EPHB1: variants seen among roughly 807,000 people sequenced by gnomAD.
EPHB1 encodes ephrin type-B receptor 1.
A neutral mutation model predicts 94.4 loss-of-function variants in EPHB1; 30 were observed. That is an observed-to-expected ratio of 0.32 (90% CI 0.24 to 0.43). The LOEUF is 0.43. EPHB1 is among the 20% of genes least tolerant of loss of function. The pLI, the probability that EPHB1 is intolerant of heterozygous loss-of-function variation, is 1.00. For missense variants in EPHB1, 1,055 were observed against 1,308.3 expected (o/e 0.81, Z 2.99); for synonymous variants, 522 against 489.1 (o/e 1.07, Z -0.89).
chr3:135,076,234 G>GATATATATATGTATAT (rs1553729692), intron 3 of EPHB1, among the ~76,000 whole-genome samples: 1 of 131,172 alleles, frequency 7.6e-6, no homozygotes, highest in African/African-American at 3.7e-5. Context: ...TCTGAAAAGG[G>GATATATATATGTATAT]ATATATATAT....
chr3:135,111,569 T>C (rs535675351), intron 4 of EPHB1, among the ~76,000 whole-genome samples: 2 of 152,246 alleles, frequency 1.3e-5, no homozygotes, highest in East Asian at 3.9e-4. Context: ...GGGTGGGGTC[T>C]GATGTGAGTG....
chr3:135,025,120 CCCTT>C (rs1169908532), intron 3 of EPHB1, among the ~76,000 whole-genome samples: 140 of 110,782 alleles, frequency 1.3e-3, no homozygotes, highest in African/African-American at 4.3e-3. Flanking sequence ...CCTCCCTCCC[CCCTT>C]CCTTCCTTCC....
chr3:134,940,931 G>A (rs1204920854), intron 2 of EPHB1, among the ~76,000 whole-genome samples: 1 of 152,144 alleles, frequency 6.6e-6, no homozygotes, highest in African/African-American at 2.4e-5. Flanking sequence ...AAATGAGCTG[G>A]GTTTGAAACA....
At chr3:134,811,605 A>T (rs1040589466) in intron 1 of EPHB1, among the ~76,000 whole-genome samples, 11 of 152,070 alleles carry the variant, frequency 7.2e-5, no homozygotes, top group Non-Finnish European at 1.3e-4. Context: ...TTAATAGCAC[A>T]GATATTGTGG....
intron 3 of EPHB1, among the ~76,000 whole-genome samples, chr3:135,007,138 G>T (rs574111758): frequency 6.6e-6 from 1 of 152,222 alleles, no homozygotes; most frequent in South Asian, 2.1e-4. Flanking sequence ...CCCACTACCT[G>T]CCTCAACTTT....
chr3:134,935,972 T>C (rs1560304609), intron 2 of EPHB1, among the ~76,000 whole-genome samples: 1 of 152,166 alleles, frequency 6.6e-6, no homozygotes, highest in Non-Finnish European at 1.5e-5. Flanking sequence ...CAAAGTTCCA[T>C]TTCCAAAGAG....
chr3:134,907,267 CT>C (rs1309687757), intron 1 of EPHB1, among the ~76,000 whole-genome samples: 1 of 152,170 alleles, frequency 6.6e-6, no homozygotes, highest in African/African-American at 2.4e-5. Flanking sequence ...TATCTTTTGA[CT>C]TCAACTCCAG....
At chr3:135,081,687 T>C (rs1259565816) in intron 3 of EPHB1, among the ~76,000 whole-genome samples, 1 of 152,126 alleles carries the variant, frequency 6.6e-6, no homozygotes, top group Admixed American at 6.5e-5. Flanking sequence ...TAGAGGCTGG[T>C]GTTCTGGGAA....
At chr3:134,939,494 G>T (rs2039075512) in intron 2 of EPHB1, among the ~76,000 whole-genome samples, 1 of 152,196 alleles carries the variant, frequency 6.6e-6, no homozygotes, top group Admixed American at 6.5e-5. Context: ...GTAAATCCCT[G>T]CCTTGGTTGG....
rs148320519 is a variant in EPHB1, at chr3:134,933,170, T to C, written c.123+7290T>C. ...TTGTTTTATCTCTTTTCTCTCTGTC[T>C]TCCCATCCTTTTTTCTCCTCTCTCT... On this transcript the variant is annotated intron_variant, in intron 2 of 15. Transcript: ENST00000398015. 7.9e-3 allele frequency among the ~76,000 whole-genome samples: 1,197 copies of C among 152,304 alleles called. 21 individuals carry two copies. The highest frequency in any genetic ancestry group is 0.027 in the African/African-American group (1,127 of 41,562).
chr3:135,168,518 T>C (rs962620822), intron 9 of EPHB1, among the ~76,000 whole-genome samples: 2 of 152,236 alleles, frequency 1.3e-5, no homozygotes, highest in Non-Finnish European at 2.9e-5. Context: ...TCTATTTATG[T>C]TGGCCTGTGC....
Position 134,951,689 on chromosome 3 carries a change from C to A in EPHB1, c.442C>A (p.Gln148Lys), listed in dbSNP as rs62270337. The change falls in exon 3 of 16, where the codon CAG becomes AAG. Residue 148 changes from glutamine (Q) to lysine (K), a missense_variant. Transcript: ENST00000398015. This position sits in a 1 kb window ranked among gnomAD's most constrained non-coding sequence, Gnocchi z 4.5. Reference protein sequence around the residue: ...DTIAADESFSQVDFGGRLMKV... With the variant: ...DTIAADESFSKVDFGGRLMKV... ...CATTGCTGCAGATGAGAGCTTCTCCCAGGTGGACTTTGGGGGAAGGCTGAT... is the reference window on the plus strand; with the variant it reads ...CATTGCTGCAGATGAGAGCTTCTCCAAGGTGGACTTTGGGGGAAGGCTGAT... 1.2e-6 allele frequency: 2 copies of A among 1,613,964 alleles called. No homozygotes were observed. Among genetic ancestry groups the A allele is most frequent in the Non-Finnish European group, 1.7e-6 (2 of 1,179,986 alleles).
intron 3 of EPHB1, among the ~76,000 whole-genome samples, chr3:135,070,769 A>G (rs1024060921): frequency 2.6e-5 from 4 of 152,194 alleles, no homozygotes; most frequent in Non-Finnish European, 5.9e-5. Context: ...ACATTTTAAG[A>G]CAAATGTTTC....
chr3:135,255,103 C>A (rs1559894417), intron 15 of EPHB1, among the ~76,000 whole-genome samples: 1 of 150,480 alleles, frequency 6.6e-6, no homozygotes, highest in African/African-American at 2.5e-5. Flanking sequence ...TGATTCCTCT[C>A]TCTTTTTTTA....
intron 3 of EPHB1, among the ~76,000 whole-genome samples, chr3:135,082,666 G>A (rs1161948051): frequency 6.6e-6 from 1 of 152,210 alleles, no homozygotes; most frequent in Non-Finnish European, 1.5e-5. Context: ...TTCAGGTTTA[G>A]AGATGGGAGA....
chr3:135,188,451 C>T (rs182355018), intron 10 of EPHB1, among the ~76,000 whole-genome samples: 17 of 152,158 alleles, frequency 1.1e-4, no homozygotes, highest in African/African-American at 2.9e-4. Context: ...GTCGAGATCA[C>T]GCCACTGCAA....
chr3:134,949,186 G>C (rs1308763121), intron 2 of EPHB1, among the ~76,000 whole-genome samples: 1 of 152,152 alleles, frequency 6.6e-6, no homozygotes, highest in Non-Finnish European at 1.5e-5. Flanking sequence ...CGGAACTGCT[G>C]CAAGGATACT....
chr3:134,971,390 A>G (rs1227091329), intron 3 of EPHB1, among the ~76,000 whole-genome samples: 1 of 152,140 alleles, frequency 6.6e-6, no homozygotes, highest in Non-Finnish European at 1.5e-5. Flanking sequence ...GGTAGAGTCG[A>G]TGCGTGACAT....
rs181370950 is a variant in EPHB1 at position 134,801,225 on chromosome 3, A to T, written c.58+5536A>T. ...CTCTCTGCACCTTCCTCCTAACTCC[A>T]CTATTCCCACCCCTATTGCAGCCCT... On this transcript the variant is annotated intron_variant, in intron 1 of 15. Coordinates refer to ENST00000398015, the MANE Select transcript of EPHB1 (RefSeq NM_004441.5). Among the ~76,000 whole-genome samples the T allele has an allele frequency of 1.7e-3, 266 of 152,284 alleles. 1 individual carries two copies. The highest frequency in any genetic ancestry group is 8.2e-4 in the Non-Finnish European group (56 of 68,002).
Sources: gnomAD v4.1 joint callset for allele counts (sites outside exome capture counted in the v4.1 genomes callset) on GRCh38, gnomAD v4.1.1 for gene constraint, Gnocchi (gnomAD v3.1) non-coding constraint, MANE v1.5 for transcripts, NCBI Gene and HGNC (gene_info 2026-07-23, HGNC 2026-07-21) for gene names.